Variants in TRPM3 observed in about 807,000 individuals in gnomAD.
The protein encoded by TRPM3 is transient receptor potential cation channel subfamily M member 3.
In TRPM3, 77 loss-of-function variants were observed where a neutral mutation model predicts 181.2. The observed-to-expected ratio is 0.42, with a 90% CI of 0.35 to 0.51. The LOEUF (loss-of-function observed/expected upper bound fraction) is 0.51, where lower values mean the gene tolerates loss of function less well. Ranked by LOEUF, TRPM3 falls within the 20% of genes least tolerant of loss-of-function variation. The pLI, the probability that TRPM3 is intolerant of heterozygous loss-of-function variation, is 0.01. For missense variants in TRPM3, 1,759 were observed against 2,196.7 expected, an observed-to-expected ratio of 0.80 and a Z score of 3.98; for synonymous variants, 745 against 796.4, an observed-to-expected ratio of 0.94 and a Z score of 1.09.
chr9:70,996,136 C>A (rs549446280), intron 1 of TRPM3, among the ~76,000 whole-genome samples: 1 of 152,288 alleles, frequency 6.6e-6, no homozygotes, highest in Admixed American at 6.5e-5. Flanking sequence ...TCTTTCTTAA[C>A]CTTTTCAGGC....
At chr9:71,332,479 T>A (rs2132548426) in intron 1 of TRPM3, among the ~76,000 whole-genome samples, 1 of 151,388 alleles carries the variant, frequency 6.6e-6, no homozygotes, top group South Asian at 2.1e-4. Flanking sequence ...AGAGAGACGT[T>A]TTATTAATTT....
Position 70,828,023 on chromosome 9 carries a change from AG to A in TRPM3, c.802-6del, listed in dbSNP as rs754278685. ...GGTCTGGTATGGCCGGACAACCTGC[AG>A]GGTATCAAATGGAAGAGGCAGAAGT... On this transcript the variant is annotated splice_region_variant and splice_polypyrimidine_tract_variant and intron_variant, in intron 5 of 25. Transcript: ENST00000677713. 3.1e-6 allele frequency: 5 copies of A among 1,608,974 alleles called. No individual in the cohort carries two copies. Among genetic ancestry groups the A allele is most frequent in the Non-Finnish European group, 4.2e-6 (5 of 1,176,542 alleles).
intron 1 of TRPM3, among the ~76,000 whole-genome samples, chr9:71,410,603 C>G (rs2093528382): frequency 6.6e-6 from 1 of 152,016 alleles, no homozygotes; most frequent in Non-Finnish European, 1.5e-5. Context: ...CTCTGAAATT[C>G]AGACAGTAAT....
chr9:70,741,975 TAAGA>T (rs2074204981), intron 8 of TRPM3, among the ~76,000 whole-genome samples: 1 of 152,104 alleles, frequency 6.6e-6, no homozygotes, highest in Non-Finnish European at 1.5e-5. Flanking sequence ...CCTATTGAAA[TAAGA>T]AAGAAAACAA....
chr9:70,756,052 C>G lies in TRPM3; in HGVS notation c.1272+5549G>C, dbSNP rs190875575. Among the ~76,000 whole-genome samples, 5 of 152,120 alleles carry G rather than the reference C, an allele frequency of 3.3e-5. No individual in the cohort carries two copies. The East Asian group carries it at 9.7e-4, about 29-fold the overall frequency. ...TTGAGACTCATCGGTATGCTGTATTCTGGAGACCTATCTCACATGCAAAGA... is the reference window on the plus strand; with the variant it reads ...TTGAGACTCATCGGTATGCTGTATTGTGGAGACCTATCTCACATGCAAAGA... On this transcript the variant is annotated intron_variant, in intron 8 of 25. Coordinates refer to ENST00000677713, the MANE Select transcript of TRPM3 (RefSeq NM_001366145.2).
At chr9:71,031,993 A>AGAT (rs2057406800) in intron 1 of TRPM3, among the ~76,000 whole-genome samples, 2 of 56,312 alleles carry the variant, frequency 3.6e-5, no homozygotes, top group Admixed American at 2.7e-4. Context: ...TATATTATAT[A>AGAT]TATATAATTA....
intron 6 of TRPM3, among the ~76,000 whole-genome samples, chr9:70,784,925 A>C (rs990650985): frequency 2.6e-5 from 4 of 152,142 alleles, no homozygotes; most frequent in African/African-American, 9.7e-5. Context: ...GCAGTGGCAC[A>C]ATCTCAGCAC....
In TRPM3 at chr9:70,761,141, C is replaced by T. The variant is rs184384047; in HGVS notation, c.1272+460G>A. ...CACATTTTGCTCTGATTTTAGATTC[C>T]TCCAGGATTTCTTATGTTTCTCCGT... is the stretch of plus-strand genomic sequence containing the variant. On this transcript the variant is annotated intron_variant, in intron 8 of 25. Transcript: ENST00000677713. The T allele has an allele frequency of 1.8e-3, 593 of 331,944 alleles. 10 individuals carry two copies. The South Asian group carries it at 0.019, about 10-fold the overall frequency. 20.6% of individuals were successfully genotyped at this position (331,944 alleles called of 1,614,324 possible). A position where few individuals can be genotyped will look rare whatever the true frequency, so the allele number is the denominator to read the frequency against.
chr9:70,985,147 G>A (rs1411012529), intron 1 of TRPM3, among the ~76,000 whole-genome samples: 1 of 152,216 alleles, frequency 6.6e-6, no homozygotes, highest in East Asian at 1.9e-4. Context: ...TAGCTGTACT[G>A]CAGCAGAGGC....
intron 1 of TRPM3, among the ~76,000 whole-genome samples, chr9:71,044,958 A>G (rs2059264233): frequency 6.6e-6 from 1 of 152,140 alleles, no homozygotes; most frequent in Non-Finnish European, 1.5e-5. Flanking sequence ...ACCATGAACC[A>G]CAGCGCCCGG....
intron 1 of TRPM3, among the ~76,000 whole-genome samples, chr9:70,900,532 C>G (rs1024949246): frequency 6.6e-6 from 1 of 152,174 alleles, no homozygotes; most frequent in Non-Finnish European, 1.5e-5. Context: ...TAAATGCTTT[C>G]TTTCCAAAGG....
At chr9:70,552,304 C>T (rs563251392) in intron 24 of TRPM3, among the ~76,000 whole-genome samples, 40 of 152,160 alleles carry the variant, frequency 2.6e-4, no homozygotes, top group Non-Finnish European at 5.3e-4. Context: ...CTAATAGAAC[C>T]TCCTTTTAGA....
intron 1 of TRPM3, among the ~76,000 whole-genome samples, chr9:71,134,004 T>TGCGCGCGC (rs1351550406): frequency 2.6e-5 from 2 of 77,810 alleles, no homozygotes; most frequent in African/African-American, 1.2e-4. Flanking sequence ...TGTGTGTGTG[T>TGCGCGCGC]GTGTGTGTGT....
At chr9:71,368,532 T>G (rs1178685737) in intron 1 of TRPM3, among the ~76,000 whole-genome samples, 2 of 152,088 alleles carry the variant, frequency 1.3e-5, no homozygotes, top group Non-Finnish European at 2.9e-5. Context: ...CAATCCTATT[T>G]GCCAAGCAGA....
intron 1 of TRPM3, among the ~76,000 whole-genome samples, chr9:70,962,816 T>C (rs947713299): frequency 1.3e-5 from 2 of 152,066 alleles, no homozygotes; most frequent in Non-Finnish European, 2.9e-5. Context: ...AAAGAGAAAC[T>C]GCAAAAAGTG....
At chr9:71,152,220 T>A (rs1238382419) in intron 1 of TRPM3, among the ~76,000 whole-genome samples, 1 of 152,120 alleles carries the variant, frequency 6.6e-6, no homozygotes, top group Non-Finnish European at 1.5e-5. Context: ...TACTGCATAG[T>A]AACTTAGAGA....
intron 1 of TRPM3, among the ~76,000 whole-genome samples, chr9:71,271,024 C>A (rs890584892): frequency 1.3e-5 from 2 of 152,238 alleles, no homozygotes; most frequent in East Asian, 1.9e-4. Flanking sequence ...ATAAGACCTA[C>A]CCAATAGAAC....
intron 1 of TRPM3, among the ~76,000 whole-genome samples, chr9:71,020,421 T>G (rs529235003): frequency 6.6e-6 from 1 of 151,274 alleles, no homozygotes; most frequent in African/African-American, 2.4e-5. Context: ...GAGGCTATGC[T>G]GAACCATGTC....
At chr9:71,387,738 T>C (rs2092959831) in intron 1 of TRPM3, among the ~76,000 whole-genome samples, 2 of 152,130 alleles carry the variant, frequency 1.3e-5, no homozygotes, top group Non-Finnish European at 2.9e-5. Context: ...CAGGAAAGGT[T>C]ACCTCCATTA....
Sources: allele counts gnomAD v4.1 joint callset (sites outside exome capture counted in the v4.1 genomes callset), GRCh38; gene constraint gnomAD v4.1.1; transcripts MANE v1.5; gene names NCBI Gene and HGNC (gene_info 2026-07-23, HGNC 2026-07-21).